Variants in RALYL observed in about 807,000 individuals in gnomAD.
RALYL encodes RNA-binding Raly-like protein.
In RALYL, 29 loss-of-function variants were observed where a neutral mutation model predicts 35.1. That is an observed-to-expected ratio of 0.83 (90% CI 0.61 to 1.13). The LOEUF (loss-of-function observed/expected upper bound fraction) is 1.13, where lower values mean the gene tolerates loss of function less well. Ranked by LOEUF, RALYL falls within the 50% of genes most tolerant of loss-of-function variation. The pLI, the probability that RALYL is intolerant of heterozygous loss-of-function variation, is 0.00. For synonymous variants in RALYL, 120 were observed against 127.6 expected, an observed-to-expected ratio of 0.94 and a Z score of 0.40; for missense variants, 359 against 360.4, an observed-to-expected ratio of 1.00 and a Z score of 0.03.
At chr8:84,258,125 G>T (rs988969147) in intron 1 of RALYL, among the ~76,000 whole-genome samples, 3 of 152,080 alleles carry the variant, frequency 2.0e-5, no homozygotes, top group African/African-American at 7.2e-5. Context: ...CCACATGTAC[G>T]TAGTGTTGTT....
chr8:84,390,463 A>G (rs969631720), intron 1 of RALYL, among the ~76,000 whole-genome samples: 3 of 152,046 alleles, frequency 2.0e-5, no homozygotes, highest in African/African-American at 4.8e-5. Context: ...CTGTGAATCC[A>G]TCTGGTCCTG....
At chr8:84,273,921 G>A (rs1751947251) in intron 1 of RALYL, among the ~76,000 whole-genome samples, 1 of 152,130 alleles carries the variant, frequency 6.6e-6, no homozygotes, top group African/African-American at 2.4e-5. Flanking sequence ...CAATCTAGAT[G>A]GAGACAGAAG....
At chr8:84,887,920 T>G (rs1234328694) in intron 8 of RALYL, 144 bp downstream of exon 8, 1 of 697,448 alleles carries the variant, frequency 1.4e-6, no homozygotes, top group Non-Finnish European at 2.3e-6. Context: ...AGTATAGTGC[T>G]TTGCACATAA....
intron 1 of RALYL, among the ~76,000 whole-genome samples, chr8:84,483,391 G>T (rs2054258373): frequency 6.6e-6 from 1 of 152,010 alleles, no homozygotes; most frequent in Non-Finnish European, 1.5e-5. Flanking sequence ...TTGCAATATA[G>T]ACCTTGTGAA....
At chr8:84,234,300 C>G (rs570223700) in intron 1 of RALYL, among the ~76,000 whole-genome samples, 30 of 152,166 alleles carry the variant, frequency 2.0e-4, no homozygotes, top group African/African-American at 5.8e-4. Flanking sequence ...AAAATGGTAT[C>G]TTTTGTAGAA....
At chr8:84,428,316 G>A (rs2046766859) in intron 1 of RALYL, among the ~76,000 whole-genome samples, 3 of 152,024 alleles carry the variant, frequency 2.0e-5, no homozygotes, top group African/African-American at 7.3e-5. Context: ...AATCATGAGG[G>A]CTTTTTATTC....
intron 1 of RALYL, among the ~76,000 whole-genome samples, chr8:84,514,125 A>C (rs2057862412): frequency 7.6e-6 from 1 of 132,044 alleles, no homozygotes; most frequent in Non-Finnish European, 1.7e-5. Flanking sequence ...AGAAAGAAAG[A>C]AAGAAAAAAA....
At chr8:84,600,747 A>G (rs905000903) in intron 2 of RALYL, among the ~76,000 whole-genome samples, 8 of 152,094 alleles carry the variant, frequency 5.3e-5, no homozygotes, top group African/African-American at 1.9e-4. Context: ...TTTTTCTTTA[A>G]ATACAAAGCC....
chr8:84,631,887 A>G (rs1356107747), intron 2 of RALYL, among the ~76,000 whole-genome samples: 1 of 152,012 alleles, frequency 6.6e-6, no homozygotes, highest in Non-Finnish European at 1.5e-5. Context: ...ACATTTTATT[A>G]ATCTAAATTG....
intron 2 of RALYL, among the ~76,000 whole-genome samples, chr8:84,635,155 A>AT (rs1274654781): frequency 7.3e-5 from 11 of 151,474 alleles, no homozygotes; most frequent in African/African-American, 7.3e-5. Flanking sequence ...AGTACTTTAC[A>AT]TATTTTTTTT....
chr8:84,619,600 G>T (rs1480370413), intron 2 of RALYL, among the ~76,000 whole-genome samples: 1 of 147,882 alleles, frequency 6.8e-6, no homozygotes, highest in Non-Finnish European at 1.5e-5. Flanking sequence ...TACATTTAAA[G>T]TTAATATTGT....
intron 1 of RALYL, among the ~76,000 whole-genome samples, chr8:84,374,606 G>A (rs1162505600): frequency 1.3e-5 from 2 of 151,802 alleles, no homozygotes; most frequent in African/African-American, 4.8e-5. Context: ...ACTAATGCAG[G>A]AACAGAAAAC....
chr8:84,802,534 G>T (rs1407427589), intron 3 of RALYL, among the ~76,000 whole-genome samples: 2 of 151,996 alleles, frequency 1.3e-5, no homozygotes, highest in Admixed American at 6.6e-5. Context: ...TAACCACAGG[G>T]GGCAGTAGGA....
intron 5 of RALYL, among the ~76,000 whole-genome samples, chr8:84,850,247 A>C (rs1835556977): frequency 6.6e-6 from 1 of 152,186 alleles, no homozygotes; most frequent in African/African-American, 2.4e-5. Context: ...GGAGGTGCTC[A>C]AACCTAAGAT....
chr8:84,388,710 T>C (rs1021305124), intron 1 of RALYL, among the ~76,000 whole-genome samples: 1 of 152,118 alleles, frequency 6.6e-6, no homozygotes, highest in African/African-American at 2.4e-5. Context: ...TCTTGTAAAT[T>C]TGTTTGAGTT....
intron 2 of RALYL, among the ~76,000 whole-genome samples, chr8:84,635,261 A>T (rs998293991): frequency 6.6e-6 from 1 of 151,764 alleles, no homozygotes; most frequent in Non-Finnish European, 1.5e-5. Flanking sequence ...ATATGCTGGA[A>T]AAAGGTAAAA....
intron 2 of RALYL, chr8:84,679,949 C>T: frequency 3.9e-6 from 1 of 254,002 alleles, no homozygotes; most frequent in South Asian, 4.6e-5. Context: ...GTGCTGCACC[C>T]ATTAACTCGT....
chr8:84,680,220 G>A (rs1486746648), intron 2 of RALYL, among the ~76,000 whole-genome samples: 1 of 152,130 alleles, frequency 6.6e-6, no homozygotes, highest in Non-Finnish European at 1.5e-5. Context: ...TGGTATATAT[G>A]TGCCACATTT....
chr8:84,201,946 T>G (rs1190192982), intron 1 of RALYL, among the ~76,000 whole-genome samples: 2 of 152,208 alleles, frequency 1.3e-5, no homozygotes, highest in Non-Finnish European at 2.9e-5. Context: ...TTATATTATG[T>G]CATAGATTTC....
Sources: allele counts gnomAD v4.1 joint callset (sites outside exome capture counted in the v4.1 genomes callset), GRCh38; gene constraint gnomAD v4.1.1; transcripts MANE v1.5; gene names NCBI Gene and HGNC (gene_info 2026-07-23, HGNC 2026-07-21).